The following WDFY4 variants were observed in gnomAD, a reference collection of about 807,000 sequenced individuals.
WDFY4 encodes WDFY family member 4.
WDFY4 carries 169 observed loss-of-function variants against 351.9 expected under a neutral mutation model. The observed-to-expected ratio is 0.48, with a 90% CI of 0.42 to 0.55. The LOEUF (loss-of-function observed/expected upper bound fraction) is 0.55, where lower values mean the gene tolerates loss of function less well. WDFY4 is among the 20% of genes least tolerant of loss of function. The probability of loss-of-function intolerance (pLI) is 0.00; values close to 1 mark genes in which losing one functional copy is unlikely to be tolerated. For missense variants in WDFY4, 3,803 were observed against 3,935.6 expected (o/e 0.97, Z 0.90); for synonymous variants, 1,622 against 1,574.6 (o/e 1.03, Z -0.71).
At chr10:48,697,539 T>C (rs1256696424) in intron 1 of WDFY4, among the ~76,000 whole-genome samples, 14 of 152,250 alleles carry the variant, frequency 9.2e-5, no homozygotes, top group Non-Finnish European at 5.9e-5. Flanking sequence ...AGGCATCTGA[T>C]GTGCAGGTGT....
chr10:48,792,529 G>C (rs537458029), intron 23 of WDFY4, among the ~76,000 whole-genome samples: 4 of 152,234 alleles, frequency 2.6e-5, no homozygotes, highest in Admixed American at 1.3e-4. Context: ...GGTACACAAA[G>C]GTTTTCTCTG....
At chr10:48,764,713 G>T (rs894824343) in intron 13 of WDFY4, among the ~76,000 whole-genome samples, 6 of 152,248 alleles carry the variant, frequency 3.9e-5, no homozygotes, top group African/African-American at 1.4e-4. Context: ...AGACTGTGTA[G>T]CTGCCCATGT....
At chr10:48,828,918 G>GC in intron 37 of WDFY4, 22 bp downstream of exon 37, 2 of 419,980 alleles carry the variant, frequency 4.8e-6, no homozygotes, top group Non-Finnish European at 7.6e-6. Context: ...TTGTCATTGT[G>GC]TGTGTGGGCG....
At position 48,864,839 on chromosome 10, in the gene WDFY4, C is replaced by T. The variant is rs192218403; in HGVS notation, c.6664-2426C>T. Among the ~76,000 whole-genome samples, 6 of 152,174 alleles carry T rather than the reference C, an allele frequency of 3.9e-5. 1 individual carries two copies. The highest frequency in any genetic ancestry group is 1.9e-4 in the East Asian group (1 of 5,190). ...ATTTTGATAATGTTATAAGAGGAAT[C>T]GCTTTCTTAATTTATTTTTTGGATT... On this transcript the variant is annotated intron_variant, in intron 39 of 61. Coordinates refer to ENST00000325239, the MANE Select transcript of WDFY4 (RefSeq NM_001394531.1).
rs936994413 is a variant in WDFY4, at chr10:48,967,927, C to G, written c.8585-1137C>G. The G allele has an allele frequency of 1.1e-4, 16 of 152,274 alleles. 1 individual carries two copies. Among genetic ancestry groups the G allele is most frequent in the Admixed American group, 4.6e-4 (7 of 15,290 alleles). 9.4% of individuals were successfully genotyped at this position (152,274 alleles called of 1,614,324 possible). On this transcript the variant is annotated intron_variant, in intron 55 of 61. Transcript: ENST00000325239. ...AGATAAGGTGCTACTGCTCTTGGCT[C>G]TGGGGACCATGCCTCCATTTGCCCC...
At chr10:48,945,489 C>G (rs551782135) in intron 49 of WDFY4, among the ~76,000 whole-genome samples, 1 of 152,258 alleles carries the variant, frequency 6.6e-6, no homozygotes, top group South Asian at 2.1e-4. Flanking sequence ...AAAAAGTTTC[C>G]CAGAGCACCT....
At chr10:48,830,540 G>A (rs3747877) in intron 37 of WDFY4, among the ~76,000 whole-genome samples, 160 bp from the exon 38 acceptor site, 67,972 of 151,970 alleles carry the variant, frequency 0.45, 16,191 homozygotes, top group East Asian at 0.83. Flanking sequence ...GTGGCTCTCA[G>A]TACTGATTGC....
intron 47 of WDFY4, among the ~76,000 whole-genome samples, chr10:48,937,136 C>T (rs143833279): frequency 0.01 from 1,593 of 152,158 alleles, 25 homozygotes; most frequent in African/African-American, 0.036. Context: ...TCAGGTGATC[C>T]GCCCACCTCG....
intron 9 of WDFY4, among the ~76,000 whole-genome samples, chr10:48,732,024 C>T (rs905477220): frequency 4.6e-5 from 7 of 152,134 alleles, no homozygotes; most frequent in Non-Finnish European, 1.0e-4. Flanking sequence ...CCAGCACGCC[C>T]CTCCAAGTCT....
chr10:48,686,198 C>T (rs547720419), intron 1 of WDFY4, among the ~76,000 whole-genome samples: 31 of 151,508 alleles, frequency 2.0e-4, no homozygotes, highest in African/African-American at 4.4e-4. Flanking sequence ...AAGAAAATTT[C>T]GGCCAGGCGC....
chr10:48,753,255 T>C (rs1589524719), intron 12 of WDFY4, among the ~76,000 whole-genome samples: 2 of 152,320 alleles, frequency 1.3e-5, no homozygotes, highest in Middle Eastern at 3.4e-3. Context: ...TCTTTATATA[T>C]TGTGGGTACT....
At position 48,778,700 on chromosome 10, in the gene WDFY4, C is replaced by T. The variant is rs939838548; in HGVS notation, c.3265C>T (p.Pro1089Ser). The change falls in exon 18 of 62, where the codon CCG becomes TCG. Residue 1089 changes from proline to serine, a missense_variant. This residue lies in a region of WDFY4 where 3,054 missense variants were observed against 3,148.6 expected (regional missense o/e 0.97). Transcript: ENST00000325239. ...GCATGGAGCTGCCACTGAGGGCCAC[C>T]CGCTGCGCTTCCTGACGTTGGTGCG... Reference protein sequence around the residue: ...SRHGAATEGHPLRFLTLVRHL... With the variant: ...SRHGAATEGHSLRFLTLVRHL... 5.2e-6 allele frequency: 8 copies of T among 1,551,692 alleles called. No homozygotes were observed. The highest frequency in any genetic ancestry group is 1.7e-4 in the Middle Eastern group (1 of 5,986).
chr10:48,978,712 T>G (rs57413301), intron 60 of WDFY4: 4,709 of 255,020 alleles, frequency 0.018, 236 homozygotes, highest in African/African-American at 0.099. Flanking sequence ...ATCACATCCA[T>G]CACAGCTGTC....
At chr10:48,866,996 C>G (rs986927620) in intron 39 of WDFY4, among the ~76,000 whole-genome samples, 1 of 151,748 alleles carries the variant, frequency 6.6e-6, no homozygotes, top group African/African-American at 2.4e-5. Flanking sequence ...TGTGGTGAAA[C>G]CTGTCTCTAC....
At chr10:48,768,725 G>A (rs2065761060) in intron 13 of WDFY4, among the ~76,000 whole-genome samples, 1 of 82,568 alleles carries the variant, frequency 1.2e-5, no homozygotes. Context: ...GAGAGGAGAA[G>A]AGAGAGAGAG....
At chr10:48,869,596 G>T (rs1447120864) in intron 40 of WDFY4, among the ~76,000 whole-genome samples, 3 of 151,492 alleles carry the variant, frequency 2.0e-5, no homozygotes, top group Non-Finnish European at 2.9e-5. Flanking sequence ...CTACAGTCTG[G>T]CCCTGTTCAG....
chr10:48,786,669 T>A lies in WDFY4; in HGVS notation c.3607T>A (p.Phe1203Ile). Residue 1203 changes from phenylalanine to isoleucine, a missense_variant, in exon 20 of 62, where the codon TTC becomes ATC. This residue lies in a region of WDFY4 where 3,054 missense variants were observed against 3,148.6 expected (regional missense o/e 0.97). Transcript: ENST00000325239. The stretch of plus-strand genomic sequence containing the variant: ...ATACATCCAGGCTCTACCAGGGCCT[T>A]TCCTTTCTATGGATCCATCCGCATT... ...MLYIQALPGP[F>I]LSMDPSAFVD... The A allele has an allele frequency of 6.4e-7, 1 of 1,552,074 alleles. No individual in the cohort carries two copies.
intron 1 of WDFY4, among the ~76,000 whole-genome samples, chr10:48,688,081 C>T (rs1189463031): frequency 6.6e-6 from 1 of 152,174 alleles, no homozygotes; most frequent in African/African-American, 2.4e-5. Flanking sequence ...CCACACCCGG[C>T]CTAATAGGCC....
intron 14 of WDFY4, 37 bp downstream of exon 14, chr10:48,774,709 G>A (rs1200391956): frequency 3.9e-6 from 6 of 1,550,354 alleles, no homozygotes; most frequent in African/African-American, 1.4e-5. Flanking sequence ...GCCAAGCTGG[G>A]CAGCCATGTC....
Sources: gnomAD v4.1 joint callset for allele counts (sites outside exome capture counted in the v4.1 genomes callset) on GRCh38, gnomAD v4.1.1 for gene constraint, gnomAD v4.1.1 regional missense constraint, MANE v1.5 for transcripts, NCBI Gene and HGNC (gene_info 2026-07-23, HGNC 2026-07-21) for gene names.